ABR: variants seen among roughly 807,000 people sequenced by gnomAD.
ABR encodes the protein active breakpoint cluster region-related protein.
ABR carries 35 observed loss-of-function variants against 107.2 expected under a neutral mutation model. The ratio of observed to expected loss-of-function variants is 0.33; its 90% CI spans 0.25 to 0.43. The LOEUF is 0.43. ABR is among the 20% of genes least tolerant of loss of function. The pLI, the probability that ABR is intolerant of heterozygous loss-of-function variation, is 1.00. For missense variants in ABR, 815 were observed against 1,115.2 expected, an observed-to-expected ratio of 0.73 and a Z score of 3.83; for synonymous variants, 498 against 462.0, an observed-to-expected ratio of 1.08 and a Z score of -1.00.
chr17:1,127,207 G>A (rs993602978), intron 1 of ABR, among the ~76,000 whole-genome samples: 3 of 152,312 alleles, frequency 2.0e-5, no homozygotes, highest in Non-Finnish European at 2.9e-5. Flanking sequence ...ACAGGGTTGT[G>A]TATGAAGAAC....
intron 16 of ABR, among the ~76,000 whole-genome samples, chr17:1,016,441 C>T (rs571373347): frequency 9.6e-4 from 145 of 151,206 alleles, no homozygotes; most frequent in Middle Eastern, 6.8e-3. Context: ...CTCAGCCTCC[C>T]GAGTAGCTGG....
chr17:1,108,573 T>C (rs114658734), intron 2 of ABR, among the ~76,000 whole-genome samples: 47 of 152,382 alleles, frequency 3.1e-4, no homozygotes, highest in African/African-American at 1.1e-3. Flanking sequence ...AGTCCCTGTC[T>C]CCTGGCTGGG....
At chr17:1,031,786 A>C in intron 16 of ABR, 1 of 1,209,842 alleles carries the variant, frequency 8.3e-7, no homozygotes, top group Non-Finnish European at 1.0e-6. Context: ...GCGCCTGTGG[A>C]GCGCTCAGTC....
At chr17:1,167,870 T>C (rs982039880) in intron 1 of ABR, among the ~76,000 whole-genome samples, 14 of 152,138 alleles carry the variant, frequency 9.2e-5, no homozygotes, top group African/African-American at 3.4e-4. Context: ...CAACACGATA[T>C]CGGCCGGGCG....
At chr17:1,063,127 C>T (rs1421795851) in intron 10 of ABR, among the ~76,000 whole-genome samples, 2 of 137,172 alleles carry the variant, frequency 1.5e-5, no homozygotes, top group African/African-American at 5.3e-5. Context: ...TTCCTCTAGA[C>T]ACTGTTGTTA....
chr17:1,194,989 C>T (rs2042523143), intron 1 of ABR, among the ~76,000 whole-genome samples: 1 of 149,090 alleles, frequency 6.7e-6, no homozygotes, highest in African/African-American at 2.4e-5. Context: ...CAGAACCTCA[C>T]TATGTTGCCC....
intron 1 of ABR, among the ~76,000 whole-genome samples, chr17:1,158,003 G>T (rs2041115713): frequency 6.6e-6 from 1 of 152,188 alleles, no homozygotes; most frequent in Admixed American, 6.5e-5. Context: ...GTACGTATGT[G>T]TGTCGCGTTG....
At position 1,113,277 on chromosome 17, in the gene ABR, G is replaced by GGTTTTTTTTTTT. The variant is rs1416563541; in HGVS notation, c.246+11905_246+11906insAAAAAAAAAAAC. Among the ~76,000 whole-genome samples, 3 of 88,172 alleles carry GGTTTTTTTTTTT rather than the reference G, an allele frequency of 3.4e-5. 1 individual carries two copies. 57.8% of individuals were successfully genotyped at this position (88,172 alleles called of 152,430 possible). A position where few individuals can be genotyped will look rare whatever the true frequency, so the allele number is the denominator to read the frequency against. Reference sequence around the variant, plus strand: ...GGGATAACATGGAAACACCTATTGCGATTTTTTTTTTTTTTTTTTTTTTTT... The same window carrying GGTTTTTTTTTTT: ...GGGATAACATGGAAACACCTATTGCGGTTTTTTTTTTTATTTTTTTTTTTTTTTTTTTTTTTT... On this transcript the variant is annotated intron_variant, in intron 2 of 22. Coordinates refer to ENST00000302538, the MANE Select transcript of ABR (RefSeq NM_021962.5).
chr17:1,025,119 C>CAAAAAAAAAAAAAAAAAAAAA (rs71272843), intron 16 of ABR, among the ~76,000 whole-genome samples: 1 of 37,704 alleles, frequency 2.7e-5, no homozygotes, highest in African/African-American at 8.7e-5. Context: ...GACTCCGTCT[C>CAAAAAAAAAAAAAAAAAAAAA]AAAAAAAAAA....
chr17:1,095,446 G>T (rs1033316650), intron 3 of ABR, among the ~76,000 whole-genome samples: 5 of 152,186 alleles, frequency 3.3e-5, no homozygotes, highest in African/African-American at 1.2e-4. Context: ...CCTCGAGGCC[G>T]TTATTTGTCT....
intron 2 of ABR, among the ~76,000 whole-genome samples, chr17:1,116,750 A>G (rs2151420358): frequency 1.3e-5 from 2 of 152,210 alleles, no homozygotes; most frequent in South Asian, 4.1e-4. Context: ...GGGCAGCCCC[A>G]TGGCTGGAGG....
chr17:1,081,244 T>C (rs901610163), intron 5 of ABR, among the ~76,000 whole-genome samples: 5 of 152,196 alleles, frequency 3.3e-5, no homozygotes, highest in Admixed American at 6.5e-5. Context: ...GCCCCTTTTA[T>C]TTGTATTTTT....
At chr17:1,102,551 A>G (rs1408166246) in intron 2 of ABR, among the ~76,000 whole-genome samples, 3 of 152,258 alleles carry the variant, frequency 2.0e-5, no homozygotes, top group African/African-American at 7.2e-5. Flanking sequence ...CAGATGAACT[A>G]AAAGAAAAAT....
intron 16 of ABR, among the ~76,000 whole-genome samples, chr17:1,028,811 C>T (rs1422800182): frequency 6.6e-6 from 1 of 152,186 alleles, no homozygotes; most frequent in Non-Finnish European, 1.5e-5. Context: ...TGGTCTGGGT[C>T]AGGAGCGTCT....
chr17:1,146,878 A>T (rs2040573043), intron 1 of ABR, among the ~76,000 whole-genome samples: 1 of 132,076 alleles, frequency 7.6e-6, no homozygotes, highest in African/African-American at 3.0e-5. Flanking sequence ...CCATTGCTAC[A>T]TGACACCACT....
Position 1,067,406 on chromosome 17 carries a change from G to A in ABR, c.1017-164C>T, listed in dbSNP as rs187113393. On this transcript the variant is annotated intron_variant, in intron 9 of 22. Transcript: ENST00000302538. ...GGAGCCTGATTGGGAAACACACACT[G>A]GAGTGATGAAAGCTGGGTTCTGGGG... 1.2e-4 allele frequency among the ~76,000 whole-genome samples: 19 copies of A among 152,316 alleles called. No homozygotes were observed. In the East Asian group the frequency reaches 1.9e-3, roughly 15 times the overall value.
At chr17:1,166,990 C>A (rs2041538720) in intron 1 of ABR, among the ~76,000 whole-genome samples, 1 of 152,024 alleles carries the variant, frequency 6.6e-6, no homozygotes, top group South Asian at 2.1e-4. Context: ...GTGACAGAGC[C>A]AGACTCTGTC....
chr17:1,106,617 C>A (rs1442862278), intron 2 of ABR, among the ~76,000 whole-genome samples: 2 of 147,834 alleles, frequency 1.4e-5, no homozygotes, highest in African/African-American at 2.5e-5. Context: ...GCAACCTCTG[C>A]CTCCCAGGTT....
intron 1 of ABR, among the ~76,000 whole-genome samples, chr17:1,201,557 G>A (rs994533850): frequency 3.3e-5 from 5 of 152,182 alleles, no homozygotes; most frequent in East Asian, 1.9e-4. Context: ...CCCCGATGCC[G>A]AAGAGATGAC....
Sources: allele counts gnomAD v4.1 joint callset (sites outside exome capture counted in the v4.1 genomes callset), GRCh38; gene constraint gnomAD v4.1.1; transcripts MANE v1.5; gene names NCBI Gene and HGNC (gene_info 2026-07-23, HGNC 2026-07-21).